ADGRV1: variants seen among roughly 807,000 people sequenced by gnomAD.
The protein encoded by ADGRV1 is adhesion G protein-coupled receptor V1.
In ADGRV1, 359 loss-of-function variants were observed where a neutral mutation model predicts 596.2. The ratio of observed to expected loss-of-function variants is 0.60; its 90% CI spans 0.55 to 0.66. ADGRV1 has a LOEUF of 0.66. ADGRV1 is among the 30% of genes least tolerant of loss of function. The probability of loss-of-function intolerance (pLI) is 0.00; values close to 1 mark genes in which losing one functional copy is unlikely to be tolerated. For missense variants in ADGRV1, 7,274 were observed against 7,575.6 expected (o/e 0.96, Z 1.48); for synonymous variants, 2,681 against 2,679.2 (o/e 1.00, Z -0.02).
chr5:90,799,537 C>G (rs976167981), intron 70 of ADGRV1, among the ~76,000 whole-genome samples: 20 of 152,224 alleles, frequency 1.3e-4, no homozygotes, highest in African/African-American at 4.8e-4. Flanking sequence ...CTATCCCCAT[C>G]AAGCTACCAT....
intron 21 of ADGRV1, among the ~76,000 whole-genome samples, chr5:90,663,955 C>T (rs1770850548): frequency 6.7e-6 from 1 of 149,510 alleles, no homozygotes; most frequent in South Asian, 2.1e-4. Context: ...GGGCTCTGTT[C>T]TGTTCCATTG....
chr5:90,741,121 T>C (rs1580959238), intron 50 of ADGRV1, among the ~76,000 whole-genome samples: 1 of 152,194 alleles, frequency 6.6e-6, no homozygotes, highest in East Asian at 1.9e-4. Context: ...CACATTGTAC[T>C]TTGTTTCCAT....
chr5:90,763,704 T>A (rs559172530), intron 59 of ADGRV1, among the ~76,000 whole-genome samples: 82 of 152,258 alleles, frequency 5.4e-4, no homozygotes, highest in Admixed American at 3.9e-4. Flanking sequence ...TAGTCCCCAG[T>A]GTCTGTTGTT....
rs1357046050 is a variant in ADGRV1 at position 90,985,366 on chromosome 5, T to C, written c.17996T>C (p.Leu5999Pro). 3.7e-6 allele frequency: 6 copies of C among 1,612,526 alleles called. No individual in the cohort carries two copies. Among genetic ancestry groups the C allele is most frequent in the Non-Finnish European group, 5.1e-6 (6 of 1,179,138 alleles). ...TAGTCTGTGAATTTCTGGTACGTGCTGGTGATGAATGATGAGCACACAGAG... is the reference window on the plus strand; with the variant it reads ...TAGTCTGTGAATTTCTGGTACGTGCCGGTGATGAATGATGAGCACACAGAG... Reference protein sequence around the residue: ...LIQSVNFWYVLVMNDEHTERR... With the variant: ...LIQSVNFWYVPVMNDEHTERR... Residue 5999 changes from leucine (L) to proline (P), a missense_variant, in exon 85 of 90, where the codon CTG becomes CCG. By Grantham distance (98) the Leu-to-Pro change is moderately conservative (BLOSUM62 -3). Transcript: ENST00000405460.
At chr5:90,615,765 A>G (rs532348195) in intron 2 of ADGRV1, among the ~76,000 whole-genome samples, 2 of 152,102 alleles carry the variant, frequency 1.3e-5, no homozygotes, top group African/African-American at 4.8e-5. Flanking sequence ...ATATCTATAT[A>G]TAGAAATTAT....
chr5:90,749,500 A>G (rs1276044169), intron 52 of ADGRV1, among the ~76,000 whole-genome samples: 1 of 152,188 alleles, frequency 6.6e-6, no homozygotes, highest in Non-Finnish European at 1.5e-5. Context: ...CATCTGTAAC[A>G]ATGTGTTAAA....
chr5:90,756,691 G>A, intron 56 of ADGRV1, 61 bp downstream of exon 56: 1 of 1,355,228 alleles, frequency 7.4e-7, no homozygotes. Flanking sequence ...GATTTGGCCA[G>A]TGTTTTATGT....
chr5:91,049,557 G>A lies in ADGRV1; in HGVS notation c.18153-22890G>A, dbSNP rs547322513. On this transcript the variant is annotated intron_variant, in intron 85 of 89. Coordinates refer to ENST00000405460, the MANE Select transcript of ADGRV1 (RefSeq NM_032119.4). ...AATTTTACACTAAATGGCCATACCT[G>A]GACACTTGTTGCCCTTTATATTAAT... is the stretch of plus-strand genomic sequence containing the variant. 2.4e-4 allele frequency among the ~76,000 whole-genome samples: 36 copies of A among 152,114 alleles called. No individual in the cohort carries two copies. In the South Asian group the frequency reaches 7.3e-3, roughly 31 times the overall value.
At chr5:91,050,089 A>T (rs1254474579) in intron 85 of ADGRV1, among the ~76,000 whole-genome samples, 1 of 152,238 alleles carries the variant, frequency 6.6e-6, no homozygotes, top group Non-Finnish European at 1.5e-5. Flanking sequence ...CAATCTGGGT[A>T]CTTGTGCTGA....
chr5:90,965,397 A>T lies in ADGRV1; in HGVS notation c.17857-18A>T. 2 of 1,432,570 alleles carry T rather than the reference A, an allele frequency of 1.4e-6. No homozygotes were observed. The highest frequency in any genetic ancestry group is 9.9e-7 in the Non-Finnish European group (1 of 1,014,326). 88.7% of individuals were successfully genotyped at this position (1,432,570 alleles called of 1,614,324 possible). On this transcript the variant is annotated intron_variant, in intron 83 of 89. Coordinates refer to ENST00000405460, the MANE Select transcript of ADGRV1 (RefSeq NM_032119.4). ...GATTTTAGCATATTTTAAAAATAGAAGTATCTGTTTCTTACAGATTCTGTT... is the reference window on the plus strand; with the variant it reads ...GATTTTAGCATATTTTAAAAATAGATGTATCTGTTTCTTACAGATTCTGTT...
intron 11 of ADGRV1, among the ~76,000 whole-genome samples, chr5:90,639,742 G>T (rs946820393): frequency 2.0e-5 from 3 of 152,066 alleles, no homozygotes; most frequent in Non-Finnish European, 2.9e-5. Context: ...ACATTTGAGT[G>T]TTCAGAAACA....
In ADGRV1 at chr5:91,063,546, TG is replaced by T. The variant is rs1787633511; in HGVS notation, c.18153-8899del. Reference sequence around the variant, plus strand: ...CCTACGCATGATGTTAACATCATTTTGGAACAGTTGGCGGAAGATTCATTTG... The same window carrying T: ...CCTACGCATGATGTTAACATCATTTTGAACAGTTGGCGGAAGATTCATTTG... On this transcript the variant is annotated intron_variant, in intron 85 of 89. Coordinates refer to ENST00000405460, the MANE Select transcript of ADGRV1 (RefSeq NM_032119.4). Among the ~76,000 whole-genome samples, 3 of 152,326 alleles carry T rather than the reference TG, an allele frequency of 2.0e-5. No homozygotes were observed. The South Asian group carries it at 6.2e-4, about 32-fold the overall frequency.
At chr5:91,138,617 T>C (rs1794841206) in intron 87 of ADGRV1, among the ~76,000 whole-genome samples, 3 of 152,120 alleles carry the variant, frequency 2.0e-5, no homozygotes, top group African/African-American at 7.2e-5. Flanking sequence ...TGACAGTATA[T>C]ATGCTGGAAT....
rs397517439 is a variant in ADGRV1 at position 90,627,392 on chromosome 5, G to T, written c.854G>T (p.Arg285Leu). The change falls in exon 7 of 90, where the codon CGT (arginine) becomes CTT (leucine). Residue 285 changes from arginine (R) to leucine (L), a missense_variant. Arg to Leu is a moderately radical substitution (Grantham distance 102). Coordinates refer to ENST00000405460, the MANE Select transcript of ADGRV1 (RefSeq NM_032119.4). ...EDHILIIPVV[R>L]GKDNNGNLIG... ...CACATACTCATAATTCCAGTAGTTC[G>T]TGGAAAGGACAACAATGGAAATCTG... 1.9e-6 allele frequency: 3 copies of T among 1,613,842 alleles called. No individual in the cohort carries two copies. The Admixed American group carries it at 5.0e-5, about 27-fold the overall frequency.
intron 85 of ADGRV1, among the ~76,000 whole-genome samples, chr5:91,013,509 T>G (rs1403836814): frequency 2.0e-5 from 3 of 152,196 alleles, no homozygotes; most frequent in Non-Finnish European, 4.4e-5. Flanking sequence ...ATGTATGTCT[T>G]CTTTTGAAAA....
rs1767495352 is a variant in ADGRV1 at position 90,644,794 on chromosome 5, T to G, written c.2823T>G (p.Phe941Leu). 6.2e-7 allele frequency: 1 copy of G among 1,612,072 alleles called. No individual in the cohort carries two copies. The highest frequency in any genetic ancestry group is 8.5e-7 in the Non-Finnish European group (1 of 1,179,208). Residue 941 changes from phenylalanine to leucine, a missense_variant, in exon 15 of 90, where the codon TTT (phenylalanine) becomes TTG (leucine). Around this residue, in one of 5 missense-constraint regions of ADGRV1, gnomAD observed 1,715 missense variants for 1,708.8 expected, o/e 1.00. Transcript: ENST00000405460. ...VVSPDFTQDVFPVQGTVVFGD... is the reference protein window; with the variant it reads ...VVSPDFTQDVLPVQGTVVFGD... Reference sequence around the variant, plus strand: ...GTCCAGACTTTACACAAGATGTATTTCCTGTACAAGGGACTGTTGTCTTTG... The same window carrying G: ...GTCCAGACTTTACACAAGATGTATTGCCTGTACAAGGGACTGTTGTCTTTG...
intron 87 of ADGRV1, among the ~76,000 whole-genome samples, chr5:91,127,523 G>A (rs1430355686): frequency 8.2e-6 from 1 of 121,698 alleles, no homozygotes; most frequent in African/African-American, 3.3e-5. Flanking sequence ...TGGTAAAGGA[G>A]CTAAACCCAG....
chr5:90,606,562 C>T (rs1353491634), intron 1 of ADGRV1, among the ~76,000 whole-genome samples: 3 of 152,160 alleles, frequency 2.0e-5, no homozygotes, highest in Non-Finnish European at 4.4e-5. Flanking sequence ...GGTAGACATT[C>T]GTGTTGGGAA....
At chr5:90,627,797 A>G (rs769927838) in intron 7 of ADGRV1, 21 bp downstream of exon 7, 1 of 1,317,644 alleles carries the variant, frequency 7.6e-7, no homozygotes, top group Non-Finnish European at 1.0e-6. Flanking sequence ...TTTTAAATAT[A>G]TTGCTACCAT....
Sources: allele counts gnomAD v4.1 joint callset (sites outside exome capture counted in the v4.1 genomes callset), GRCh38; gene constraint gnomAD v4.1.1; regional missense constraint gnomAD v4.1.1; transcripts MANE v1.5; gene names NCBI Gene and HGNC (gene_info 2026-07-23, HGNC 2026-07-21).